NKAIN2: variants seen among roughly 807,000 people sequenced by gnomAD.
The protein encoded by NKAIN2 is sodium/potassium-transporting ATPase subunit beta-1-interacting protein 2.
A neutral mutation model predicts 32.6 loss-of-function variants in NKAIN2; 14 were observed. That is an observed-to-expected ratio of 0.43 (90% confidence interval 0.28 to 0.67). The LOEUF is 0.67. NKAIN2 is among the 30% of genes least tolerant of loss of function. The pLI, the probability that NKAIN2 is intolerant of heterozygous loss-of-function variation, is 0.17. For missense variants in NKAIN2, 198 were observed against 258.3 expected, an observed-to-expected ratio of 0.77 and a Z score of 1.60; for synonymous variants, 80 against 87.2, an observed-to-expected ratio of 0.92 and a Z score of 0.46.
rs529685736 is a variant in NKAIN2, at chr6:124,446,834, G to A, written c.273+91487G>A. 2.0e-5 allele frequency among the ~76,000 whole-genome samples: 3 copies of A among 152,146 alleles called. No individual in the cohort carries two copies. In the East Asian group the frequency reaches 5.8e-4, roughly 29 times the overall value. Reference sequence around the variant, plus strand: ...AATTTTCCAGTGACTTTCCAACCAGGAAAGATTCTGTCCACAAGGGGACAT... The same window carrying A: ...AATTTTCCAGTGACTTTCCAACCAGAAAAGATTCTGTCCACAAGGGGACAT... On this transcript the variant is annotated intron_variant, in intron 3 of 6. Coordinates refer to ENST00000368417, the MANE Select transcript of NKAIN2 (RefSeq NM_001040214.3).
chr6:124,220,016 T>C (rs969486526), intron 1 of NKAIN2, among the ~76,000 whole-genome samples: 1 of 152,192 alleles, frequency 6.6e-6, no homozygotes, highest in East Asian at 1.9e-4. Context: ...TGAAATTTAA[T>C]GGCTTTCTAC....
At chr6:124,733,007 A>C (rs530648961) in intron 4 of NKAIN2, among the ~76,000 whole-genome samples, 2 of 151,942 alleles carry the variant, frequency 1.3e-5, no homozygotes, top group South Asian at 4.2e-4. Context: ...GGAAATGAAC[A>C]AAAAAAAGTG....
At chr6:124,002,644 C>T (rs1442811421) in intron 1 of NKAIN2, among the ~76,000 whole-genome samples, 4 of 152,034 alleles carry the variant, frequency 2.6e-5, no homozygotes. Context: ...CCTGGCCTGG[C>T]GATGGCACTC....
At chr6:124,142,995 T>G (rs1398012469) in intron 1 of NKAIN2, among the ~76,000 whole-genome samples, 3 of 152,178 alleles carry the variant, frequency 2.0e-5, no homozygotes, top group Non-Finnish European at 4.4e-5. Flanking sequence ...TATATGAGTT[T>G]TAAGAAAATG....
intron 4 of NKAIN2, among the ~76,000 whole-genome samples, chr6:124,749,523 G>A (rs1777611909): frequency 1.3e-5 from 2 of 151,902 alleles, no homozygotes; most frequent in Non-Finnish European, 2.9e-5. Context: ...ATCATCCTTG[G>A]ATAAGGTCCT....
At chr6:124,675,092 C>CT (rs1773289750) in intron 4 of NKAIN2, among the ~76,000 whole-genome samples, 1 of 151,860 alleles carries the variant, frequency 6.6e-6, no homozygotes, top group Non-Finnish European at 1.5e-5. Flanking sequence ...TTGTCAAATG[C>CT]TTTTTTCTGC....
intron 1 of NKAIN2, among the ~76,000 whole-genome samples, chr6:124,205,386 A>T (rs1325717805): frequency 6.6e-6 from 1 of 151,608 alleles, no homozygotes; most frequent in Non-Finnish European, 1.5e-5. Flanking sequence ...TTAATTTGTC[A>T]TCTTATTGGA....
At chr6:123,918,645 G>A (rs1162134969) in intron 1 of NKAIN2, among the ~76,000 whole-genome samples, 1 of 152,060 alleles carries the variant, frequency 6.6e-6, no homozygotes, top group Non-Finnish European at 1.5e-5. Context: ...TTAAATCACT[G>A]GACTGAGTAA....
intron 4 of NKAIN2, among the ~76,000 whole-genome samples, chr6:124,696,755 A>C (rs1425866348): frequency 6.6e-6 from 1 of 150,420 alleles, no homozygotes; most frequent in Non-Finnish European, 1.5e-5. Flanking sequence ...TTTACAAAAA[A>C]GTAAAAGGAT....
chr6:123,828,640 G>C (rs552288977), intron 1 of NKAIN2: 1 of 152,110 alleles, frequency 6.6e-6, no homozygotes, highest in South Asian at 2.1e-4. Context: ...TATATGATCT[G>C]ATCTCCACTT....
rs143125409 is a variant in NKAIN2 at position 124,700,871 on chromosome 6, G to GACACACACAC, written c.474+42504_474+42513dup. 7.1e-3 allele frequency among the ~76,000 whole-genome samples: 1,037 copies of GACACACACAC among 145,460 alleles called. 9 individuals carry two copies. Among genetic ancestry groups the GACACACACAC allele is most frequent in the African/African-American group, 0.022 (878 of 39,468 alleles). On this transcript the variant is annotated intron_variant, in intron 4 of 6. Transcript: ENST00000368417. ...TTCATATAGAAATTGTCTCTTTCCT[G>GACACACACAC]ACACACACACACACACACACACACA...
At chr6:124,021,155 T>A (rs1780845153) in intron 1 of NKAIN2, among the ~76,000 whole-genome samples, 1 of 152,048 alleles carries the variant, frequency 6.6e-6, no homozygotes, top group Non-Finnish European at 1.5e-5. Flanking sequence ...CCCATAGGAT[T>A]TTTCAACACA....
At chr6:124,627,495 G>C (rs72975725) in intron 3 of NKAIN2, among the ~76,000 whole-genome samples, 140 of 152,232 alleles carry the variant, frequency 9.2e-4, no homozygotes, top group Middle Eastern at 6.8e-3. Flanking sequence ...AAGTCACTTG[G>C]TTGTTCAGCT....
intron 1 of NKAIN2, among the ~76,000 whole-genome samples, chr6:123,807,840 A>G (rs1177372182): frequency 6.6e-6 from 1 of 152,162 alleles, no homozygotes; most frequent in Non-Finnish European, 1.5e-5. Context: ...CACTATTGCC[A>G]TGGGCTGTAT....
chr6:124,767,546 A>G (rs931317904), intron 4 of NKAIN2, among the ~76,000 whole-genome samples: 9 of 152,148 alleles, frequency 5.9e-5, no homozygotes, highest in African/African-American at 1.9e-4. Flanking sequence ...TTATCTCTTC[A>G]GTTAAAATAT....
At chr6:124,244,141 C>T (rs893640968) in intron 1 of NKAIN2, among the ~76,000 whole-genome samples, 1 of 150,802 alleles carries the variant, frequency 6.6e-6, no homozygotes, top group Non-Finnish European at 1.5e-5. Flanking sequence ...GCACATTGTG[C>T]AGGTTAGTTA....
chr6:124,088,118 C>A (rs1347666355), intron 1 of NKAIN2, among the ~76,000 whole-genome samples: 1 of 151,962 alleles, frequency 6.6e-6, no homozygotes, highest in Non-Finnish European at 1.5e-5. Context: ...TGCCAAAGAT[C>A]TGTATGGCAC....
chr6:124,409,982 G>C (rs1258548407), intron 3 of NKAIN2, among the ~76,000 whole-genome samples: 1 of 152,186 alleles, frequency 6.6e-6, no homozygotes, highest in African/African-American at 2.4e-5. Context: ...TATTTGCATA[G>C]AGGTGTTTAT....
chr6:124,057,114 C>A (rs1345053334), intron 1 of NKAIN2, among the ~76,000 whole-genome samples: 1 of 152,022 alleles, frequency 6.6e-6, no homozygotes, highest in Non-Finnish European at 1.5e-5. Flanking sequence ...TCCATTAACC[C>A]ATTTGCTAAG....
Sources: allele counts gnomAD v4.1 joint callset (sites outside exome capture counted in the v4.1 genomes callset), GRCh38; gene constraint gnomAD v4.1.1; transcripts MANE v1.5; gene names NCBI Gene and HGNC (gene_info 2026-07-23, HGNC 2026-07-21).